The following LPP variants were observed in gnomAD, a reference collection of about 807,000 sequenced individuals.
The protein encoded by LPP is LIM domain containing preferred translocation partner in lipoma.
LPP carries 38 observed loss-of-function variants against 60.4 expected under a neutral mutation model. The observed-to-expected ratio is 0.63, with a 90% confidence interval of 0.49 to 0.83. The LOEUF is 0.83. Ranked by LOEUF, LPP falls within the 40% of genes least tolerant of loss-of-function variation. LPP has a pLI of 0.00. For synonymous variants in LPP, 328 were observed against 290.8 expected, an observed-to-expected ratio of 1.13 and a Z score of -1.30; for missense variants, 902 against 783.6, an observed-to-expected ratio of 1.15 and a Z score of -1.80.
chr3:188,186,760 G>T (rs981677138), intron 1 of LPP, among the ~76,000 whole-genome samples: 15 of 151,450 alleles, frequency 9.9e-5, no homozygotes, highest in African/African-American at 3.4e-4. Flanking sequence ...AGTTTTTTTG[G>T]TGGTTACTAT....
chr3:188,733,005 G>A (rs1477909049), intron 8 of LPP, among the ~76,000 whole-genome samples: 2 of 151,890 alleles, frequency 1.3e-5, no homozygotes, highest in East Asian at 3.9e-4. Context: ...TTTGGCAATG[G>A]GCATCAAAGT....
intron 1 of LPP, among the ~76,000 whole-genome samples, chr3:188,197,876 G>A (rs143342523): frequency 4.6e-5 from 7 of 152,270 alleles, no homozygotes; most frequent in African/African-American, 1.7e-4. Flanking sequence ...TCCATTAGGC[G>A]TGCATATCGA....
At chr3:188,287,930 G>A (rs1428954978) in intron 2 of LPP, among the ~76,000 whole-genome samples, 1 of 152,126 alleles carries the variant, frequency 6.6e-6, no homozygotes, top group Non-Finnish European at 1.5e-5. Flanking sequence ...TTATCTGTCA[G>A]ATTCAATGCT....
chr3:188,708,311 A>G lies in LPP; in HGVS notation c.1158A>G (p.Ser386=), dbSNP rs1865885761. 6.2e-7 allele frequency: 1 copy of G among 1,614,126 alleles called. No homozygotes were observed. Among genetic ancestry groups the G allele is most frequent in the Non-Finnish European group, 8.5e-7 (1 of 1,180,014 alleles). The change falls in exon 8 of 12, where the codon TCA becomes TCG. Residue 386 remains serine, a synonymous_variant. Coordinates refer to ENST00000617246, the MANE Select transcript of LPP (RefSeq NM_001375462.1). ...TGGGGCCTTCGTCAGTTGCCCCTTC[A>G]TTCCGCCCAGAGGATGAGCTTGAGC... is the stretch of plus-strand genomic sequence containing the variant. ...GQLGPSSVAP[S]FRPEDELEHL...
intron 4 of LPP, among the ~76,000 whole-genome samples, chr3:188,424,930 C>A (rs182303680): frequency 6.6e-6 from 1 of 152,276 alleles, no homozygotes; most frequent in Non-Finnish European, 1.5e-5. Flanking sequence ...TTTGAATATT[C>A]TCTATTTCTT....
At chr3:188,767,978 TG>T (rs1264577767) in intron 9 of LPP, among the ~76,000 whole-genome samples, 5 of 152,240 alleles carry the variant, frequency 3.3e-5, no homozygotes, top group African/African-American at 1.2e-4. Flanking sequence ...AATAAACATT[TG>T]GTTAAGATAA....
intron 7 of LPP, among the ~76,000 whole-genome samples, chr3:188,623,696 T>A (rs1414269785): frequency 2.0e-5 from 3 of 152,234 alleles, no homozygotes; most frequent in Non-Finnish European, 2.9e-5. Flanking sequence ...TTTAAAAAAT[T>A]GTCACTGCTG....
chr3:188,460,576 G>C (rs1798751850), intron 4 of LPP, among the ~76,000 whole-genome samples: 1 of 152,152 alleles, frequency 6.6e-6, no homozygotes. Context: ...TAGAGTTCCA[G>C]CTTCTGTGTT....
chr3:188,163,634 A>C (rs1284371838), intron 1 of LPP, among the ~76,000 whole-genome samples: 1 of 152,066 alleles, frequency 6.6e-6, no homozygotes, highest in African/African-American at 2.4e-5. Flanking sequence ...AGGGGGTGCT[A>C]GGTGCTCAAG....
chr3:188,194,133 C>T (rs1728906903), intron 1 of LPP, among the ~76,000 whole-genome samples: 1 of 152,216 alleles, frequency 6.6e-6, no homozygotes, highest in Admixed American at 6.5e-5. Context: ...GGCCCTCATT[C>T]CTGGTCAGTT....
intron 9 of LPP, among the ~76,000 whole-genome samples, chr3:188,830,660 C>G (rs1335229102): frequency 1.3e-5 from 2 of 151,874 alleles, no homozygotes; most frequent in Non-Finnish European, 2.9e-5. Flanking sequence ...CGAACAAACA[C>G]ACTTAGGAAA....
rs961688401 is a variant in LPP at position 188,756,231 on chromosome 3, A to G, written c.1241-3882A>G. On this transcript the variant is annotated intron_variant, in intron 8 of 11. Transcript: ENST00000617246. The stretch of plus-strand genomic sequence containing the variant: ...ATCTAGAGTCAGTACAAAGCAATAT[A>G]TAAAATAAGTAATAATATATAAACA... Among the ~76,000 whole-genome samples the G allele has an allele frequency of 5.3e-5, 8 of 152,238 alleles. 1 individual carries two copies. Among genetic ancestry groups the G allele is most frequent in the South Asian group, 4.1e-4 (2 of 4,838 alleles).
chr3:188,834,914 A>G (rs1233890650), intron 9 of LPP, among the ~76,000 whole-genome samples: 1 of 152,178 alleles, frequency 6.6e-6, no homozygotes, highest in Non-Finnish European at 1.5e-5. Context: ...AGAGCATGAC[A>G]AAATTCATCT....
intron 5 of LPP, among the ~76,000 whole-genome samples, chr3:188,515,195 A>G (rs991362289): frequency 1.3e-5 from 2 of 152,010 alleles, no homozygotes; most frequent in African/African-American, 2.4e-5. Flanking sequence ...TGAATCTCTT[A>G]TGGGGGTTTA....
intron 5 of LPP, among the ~76,000 whole-genome samples, chr3:188,500,968 G>C (rs1811663771): frequency 6.6e-6 from 1 of 151,768 alleles, no homozygotes; most frequent in Non-Finnish European, 1.5e-5. Context: ...CTAAAGGTTT[G>C]TCAATTTTGT....
chr3:188,569,146 A>G (rs1426177378), intron 6 of LPP: 1 of 97,410 alleles, frequency 1.0e-5, no homozygotes, highest in Non-Finnish European at 2.1e-5. Flanking sequence ...GCACAGAGAA[A>G]GAAAACAGCC....
At chr3:188,520,119 CATA>C (rs1431461650) in intron 5 of LPP, among the ~76,000 whole-genome samples, 2 of 152,150 alleles carry the variant, frequency 1.3e-5, no homozygotes, top group Non-Finnish European at 2.9e-5. Flanking sequence ...TTTGTCAAGT[CATA>C]ATAAGTCCCA....
intron 7 of LPP, among the ~76,000 whole-genome samples, chr3:188,663,532 C>T (rs1855070432): frequency 6.6e-6 from 1 of 152,250 alleles, no homozygotes; most frequent in Admixed American, 6.5e-5. Context: ...ACTTAAAACT[C>T]CAACGGGTAG....
intron 7 of LPP, 25 bp from the exon 8 acceptor site, chr3:188,708,242 G>A (rs750273608): frequency 1.2e-5 from 20 of 1,613,104 alleles, no homozygotes; most frequent in Non-Finnish European, 1.5e-5. Context: ...GGCAATTAAA[G>A]GACTGTGTGC....
Sources: gnomAD v4.1 joint callset for allele counts (sites outside exome capture counted in the v4.1 genomes callset) on GRCh38, gnomAD v4.1.1 for gene constraint, MANE v1.5 for transcripts, NCBI Gene and HGNC (gene_info 2026-07-23, HGNC 2026-07-21) for gene names.